Variants in ALPK2 observed in about 807,000 individuals in gnomAD.
ALPK2 encodes the protein alpha kinase 2, also known as alpha-protein kinase 2.
Under a neutral mutation model 163.1 loss-of-function variants are expected in ALPK2, and 127 were observed. The observed-to-expected ratio is 0.78, with a 90% CI of 0.67 to 0.90. The LOEUF (loss-of-function observed/expected upper bound fraction) is 0.90, where lower values mean the gene tolerates loss of function less well. Ranked by LOEUF, ALPK2 falls within the 40% of genes least tolerant of loss-of-function variation. The pLI is 0.00. For missense variants in ALPK2, 2,360 were observed against 2,589.6 expected, an observed-to-expected ratio of 0.91 and a Z score of 1.92; for synonymous variants, 953 against 959.1, an observed-to-expected ratio of 0.99 and a Z score of 0.12.
intron 3 of ALPK2, among the ~76,000 whole-genome samples, chr18:58,598,565 G>A (rs2052052544): frequency 6.6e-6 from 1 of 152,162 alleles, no homozygotes; most frequent in Admixed American, 6.5e-5. Flanking sequence ...GGGCTGGTCA[G>A]GACAGAGACT....
At chr18:58,592,802 G>A (rs1375496057) in intron 3 of ALPK2, among the ~76,000 whole-genome samples, 2 of 152,214 alleles carry the variant, frequency 1.3e-5, no homozygotes, top group East Asian at 1.9e-4. Flanking sequence ...TTCACATGCC[G>A]GCCCATCTGC....
intron 4 of ALPK2, among the ~76,000 whole-genome samples, chr18:58,569,069 C>G (rs369081151): frequency 4.9e-4 from 74 of 152,246 alleles, no homozygotes; most frequent in African/African-American, 1.7e-3. Flanking sequence ...GAAAAATTAG[C>G]CAGGTGTAGT....
intron 4 of ALPK2, among the ~76,000 whole-genome samples, chr18:58,569,555 G>A (rs1273817671): frequency 6.6e-6 from 1 of 152,168 alleles, no homozygotes; most frequent in Non-Finnish European, 1.5e-5. Flanking sequence ...TTCTGAGCCT[G>A]CATTTCTAAC....
At position 58,536,131 on chromosome 18, in the gene ALPK2, A is replaced by C; in HGVS notation, c.4056T>G (p.Ser1352=). 6.2e-7 allele frequency: 1 copy of C among 1,614,108 alleles called. No homozygotes were observed. Residue 1352 remains serine (S), a synonymous_variant, in exon 5 of 13, where the codon TCT becomes TCG. Coordinates refer to ENST00000361673, the MANE Select transcript of ALPK2 (RefSeq NM_052947.4). ...AAGCCGCTGACAGTGAATCTGTGAC[A>C]GATAACTCCTTTTCATCTACAGGGT... The part of the protein sequence containing the change: ...SVDPVDEKEL[S]VTDSLSAASE...
intron 4 of ALPK2, among the ~76,000 whole-genome samples, chr18:58,576,852 G>T (rs1373838320): frequency 2.0e-5 from 3 of 152,176 alleles, no homozygotes; most frequent in Admixed American, 2.0e-4. Flanking sequence ...CACATTTCTG[G>T]TTATCCCTTG....
intron 4 of ALPK2, among the ~76,000 whole-genome samples, chr18:58,575,518 C>A (rs919112835): frequency 2.0e-5 from 3 of 152,202 alleles, no homozygotes; most frequent in African/African-American, 2.4e-5. Flanking sequence ...CCCTCTGGGG[C>A]GAACCTGGGC....
At position 58,517,111 on chromosome 18, in the gene ALPK2, G is replaced by A. The variant is rs34823643; in HGVS notation, c.5737C>T (p.Arg1913Cys). 16,883 of 1,614,164 alleles carry A rather than the reference G, an allele frequency of 0.01. 107 individuals are homozygous for A. The highest frequency in any genetic ancestry group is 0.012 in the Non-Finnish European group (14,291 of 1,180,028). ...DFLHDSYFGGRLRGQIATEEL... is the reference protein window; with the variant it reads ...DFLHDSYFGGCLRGQIATEEL... ...TCCGTGGCGATCTGACCACGCAGGC[G>A]GCCCCCAAAGTAGCTGTCATGGAGG... The change falls in exon 9 of 13, where the codon CGC becomes TGC. Residue 1913 changes from arginine to cysteine, a missense_variant. Physicochemically the swap from Arg to Cys is radical, Grantham distance 180 (BLOSUM62 -3). Transcript: ENST00000361673.
Position 58,481,699 on chromosome 18 carries a change from T to C in ALPK2, c.*124A>G. ...GGTTTAGAAGCATCTTGGCGCACAG[T>C]CGGCTGGGAGTAAGGATTGCCACGC... is the stretch of plus-strand genomic sequence containing the variant. On this transcript the variant is annotated 3_prime_UTR_variant, in exon 13 of 13. Transcript: ENST00000361673. The C allele has an allele frequency of 1.3e-6, 1 of 745,058 alleles. No homozygotes were observed. Among genetic ancestry groups the C allele is most frequent in the Non-Finnish European group, 2.3e-6 (1 of 440,030 alleles). The allele number at this position is 745,058 out of a possible 1,614,324, so 46.2% of individuals were successfully genotyped here. A position where few individuals can be genotyped will look rare whatever the true frequency, so the allele number is the denominator to read the frequency against.
At position 58,580,442 on chromosome 18, in the gene ALPK2, G is replaced by T. The variant is rs1025115553; in HGVS notation, c.334C>A (p.Gln112Lys). ...VEVECSSENP[Q>K]LSPNLEDDRD... ...TCATCTTCCAGGTTAGGAGACAATT[G>T]TGGGTTCTCTGATGAGCACTCAACC... The change falls in exon 4 of 13, where the codon CAA becomes AAA. Residue 112 changes from glutamine to lysine, a missense_variant. Gln to Lys is a moderately conservative substitution (Grantham distance 53). Coordinates refer to ENST00000361673, the MANE Select transcript of ALPK2 (RefSeq NM_052947.4). 3.1e-6 allele frequency: 5 copies of T among 1,614,022 alleles called. No homozygotes were observed. Among genetic ancestry groups the T allele is most frequent in the Non-Finnish European group, 4.2e-6 (5 of 1,180,040 alleles).
At position 58,523,948 on chromosome 18, in the gene ALPK2, G is replaced by A. The variant is rs760580263; in HGVS notation, c.5616C>T (p.Asn1872=). 26 of 1,614,046 alleles carry A rather than the reference G, an allele frequency of 1.6e-5. 1 individual carries two copies. In the Admixed American group the frequency reaches 2.0e-4, roughly 12 times the overall value. The change falls in exon 7 of 13, where the codon AAC becomes AAT. Residue 1872 remains asparagine (N), a synonymous_variant. Coordinates refer to ENST00000361673, the MANE Select transcript of ALPK2 (RefSeq NM_052947.4). ...ACTGTGGTTTACCTTCAGCTGTGAG[G>A]TTAAATTCAGCAGTCACTTTTCCGT... ...NSYGKVTAEF[N]LTAEVLKQLS...
At chr18:58,556,753 A>C (rs2051794770) in intron 4 of ALPK2, among the ~76,000 whole-genome samples, 1 of 152,130 alleles carries the variant, frequency 6.6e-6, no homozygotes, top group Admixed American at 6.5e-5. Context: ...GTCCTGTATG[A>C]ACCTAGAGCC....
At chr18:58,588,249 T>A (rs772280148) in intron 3 of ALPK2, among the ~76,000 whole-genome samples, 4 of 152,198 alleles carry the variant, frequency 2.6e-5, no homozygotes, top group Non-Finnish European at 5.9e-5. Flanking sequence ...GTTTGTTGTT[T>A]TTAACTGTGG....
intron 1 of ALPK2, among the ~76,000 whole-genome samples, chr18:58,620,875 G>T (rs576803935): frequency 1.3e-5 from 2 of 152,300 alleles, no homozygotes; most frequent in Non-Finnish European, 2.9e-5. Context: ...AACGAGACAG[G>T]CCCGGCACGG....
intron 11 of ALPK2, among the ~76,000 whole-genome samples, chr18:58,503,450 T>C (rs982762089): frequency 2.6e-5 from 4 of 152,122 alleles, no homozygotes; most frequent in Non-Finnish European, 2.9e-5. Context: ...CCAACACTTT[T>C]GGAGGCCAGT....
chr18:58,602,054 A>G (rs971668388), intron 3 of ALPK2, among the ~76,000 whole-genome samples: 4 of 152,042 alleles, frequency 2.6e-5, no homozygotes, highest in South Asian at 2.1e-4. Flanking sequence ...CCCCTGGGGG[A>G]AAAACACAAG....
intron 8 of ALPK2, among the ~76,000 whole-genome samples, chr18:58,522,152 A>C (rs1348259333): frequency 1.3e-5 from 2 of 152,152 alleles, no homozygotes; most frequent in Non-Finnish European, 2.9e-5. Flanking sequence ...CCTGTGCTGA[A>C]AGTCATGATC....
At chr18:58,554,272 T>C (rs995976722) in intron 4 of ALPK2, among the ~76,000 whole-genome samples, 4 of 152,180 alleles carry the variant, frequency 2.6e-5, no homozygotes, top group African/African-American at 9.7e-5. Flanking sequence ...TCAGGGTAGA[T>C]CTATGTGGAA....
At chr18:58,541,440 G>A (rs956079883) in intron 4 of ALPK2, among the ~76,000 whole-genome samples, 1 of 152,166 alleles carries the variant, frequency 6.6e-6, no homozygotes, top group Non-Finnish European at 1.5e-5. Context: ...TCCAACATTG[G>A]GGATTACATC....
At chr18:58,540,833 C>T (rs2051685786) in intron 4 of ALPK2, among the ~76,000 whole-genome samples, 1 of 152,162 alleles carries the variant, frequency 6.6e-6, no homozygotes, top group African/African-American at 2.4e-5. Flanking sequence ...CAATTTTTTC[C>T]AAAGGGCTTC....
Sources: allele counts gnomAD v4.1 joint callset (sites outside exome capture counted in the v4.1 genomes callset), GRCh38; gene constraint gnomAD v4.1.1; transcripts MANE v1.5; gene names NCBI Gene and HGNC (gene_info 2026-07-23, HGNC 2026-07-21).